Variants in KCNC4 observed in about 807,000 individuals in gnomAD.
KCNC4 encodes potassium voltage-gated channel subfamily C member 4.
A neutral mutation model predicts 42.8 loss-of-function variants in KCNC4; 23 were observed. The ratio of observed to expected loss-of-function variants is 0.54; its 90% CI spans 0.39 to 0.76. KCNC4 has a LOEUF of 0.76. Among genes scored for constraint, KCNC4 ranks in the 30% least tolerant of loss-of-function variants. The pLI is 0.00. For missense variants in KCNC4, 751 were observed against 898.2 expected (o/e 0.84, Z 2.10); for synonymous variants, 422 against 393.5 (o/e 1.07, Z -0.86).
chr1:110,278,407 G>C (rs917794003), intron 1 of KCNC4, among the ~76,000 whole-genome samples: 8 of 152,048 alleles, frequency 5.3e-5, no homozygotes, highest in African/African-American at 1.9e-4. Flanking sequence ...ATGAGAGGGA[G>C]TATGCAGTGC....
intron 1 of KCNC4, among the ~76,000 whole-genome samples, chr1:110,274,344 T>G (rs552223478): frequency 6.6e-6 from 1 of 152,028 alleles, no homozygotes; most frequent in Non-Finnish European, 1.5e-5. Flanking sequence ...TACAAAACAC[T>G]GATGAAAGAA....
At chr1:110,271,935 C>A (rs1373394432) in intron 1 of KCNC4, among the ~76,000 whole-genome samples, 2 of 152,144 alleles carry the variant, frequency 1.3e-5, no homozygotes, top group Non-Finnish European at 2.9e-5. Context: ...CACACTCACC[C>A]ATAATTACCC....
At chr1:110,283,370 A>G (rs1278268738), downstream of KCNC4, among the ~76,000 whole-genome samples, 1 of 152,190 alleles carries the variant, frequency 6.6e-6, no homozygotes, top group East Asian at 1.9e-4. Flanking sequence ...GAGTATTCCT[A>G]CCAAGTATTC....
chr1:110,263,703 T>C (rs957089855), intron 1 of KCNC4, among the ~76,000 whole-genome samples: 1 of 152,108 alleles, frequency 6.6e-6, no homozygotes, highest in African/African-American at 2.4e-5. Context: ...TCCAGTTTTA[T>C]ACATAGAATA....
intron 3 of KCNC4, chr1:110,229,225 G>A (rs1658569374): frequency 6.6e-6 from 1 of 152,288 alleles, no homozygotes; most frequent in Admixed American, 6.5e-5. Flanking sequence ...ATCTCTGCTG[G>A]TGTAAAGGTG....
At chr1:110,280,093 C>T (rs777894171) in intron 1 of KCNC4, among the ~76,000 whole-genome samples, 9 of 152,110 alleles carry the variant, frequency 5.9e-5, no homozygotes, top group Admixed American at 1.3e-4. Context: ...AATGTTTAGG[C>T]TATCATTTAT....
intron 1 of KCNC4, among the ~76,000 whole-genome samples, chr1:110,214,950 T>A (rs923748861): frequency 2.6e-5 from 4 of 152,142 alleles, no homozygotes; most frequent in African/African-American, 9.7e-5. Flanking sequence ...CTTGTCACAC[T>A]GTCCCATCCT....
At chr1:110,212,437 C>T (rs939787439) in intron 1 of KCNC4, among the ~76,000 whole-genome samples, 97 of 152,164 alleles carry the variant, frequency 6.4e-4, no homozygotes, top group Non-Finnish European at 1.8e-4. Flanking sequence ...TTTGCCGCAT[C>T]CCCTCCAGTG....
At chr1:110,261,862 T>C (rs1467899035) in intron 1 of KCNC4, among the ~76,000 whole-genome samples, 1 of 152,276 alleles carries the variant, frequency 6.6e-6, no homozygotes, top group African/African-American at 2.4e-5. Context: ...ACTTAAGGTT[T>C]ATCAAAATTA....
chr1:110,283,718 T>G (rs1392694148), downstream of KCNC4, among the ~76,000 whole-genome samples: 1 of 152,242 alleles, frequency 6.6e-6, no homozygotes, highest in African/African-American at 2.4e-5. Flanking sequence ...ATTATGCATT[T>G]ACAAAGCATC....
At chr1:110,263,705 C>T (rs767856324) in intron 1 of KCNC4, among the ~76,000 whole-genome samples, 1 of 152,050 alleles carries the variant, frequency 6.6e-6, no homozygotes, top group African/African-American at 2.4e-5. Context: ...CAGTTTTATA[C>T]ATAGAATAAG....
At position 110,212,031 on chromosome 1, in the gene KCNC4, G is replaced by C. The variant is rs745483916; in HGVS notation, c.532G>C (p.Gly178Arg). 12 of 1,590,046 alleles carry C rather than the reference G, an allele frequency of 7.5e-6. No homozygotes were observed. Among genetic ancestry groups the C allele is most frequent in the Non-Finnish European group, 1.0e-5 (12 of 1,170,050 alleles). The change falls in exon 1 of 4, where the codon GGC (glycine) becomes CGC (arginine). Residue 178 changes from glycine (G) to arginine (R), a missense_variant. Physicochemically the swap from Gly to Arg is moderately radical, Grantham distance 125. Around this residue, in one of 4 missense-constraint regions of KCNC4, gnomAD observed 181 missense variants for 167.3 expected, o/e 1.08. Coordinates refer to ENST00000438661, the MANE Select transcript of KCNC4 (RefSeq NM_001039574.3). ...CGGCGCGGGGCCCAGCGACGAGGCC[G>C]GCGACGATGAGCGGGAGCTGGCCCT... is the stretch of plus-strand genomic sequence containing the variant. The part of the protein sequence containing the change: ...GSGAGPSDEA[G>R]DDERELALQR...
At chr1:110,218,590 C>CA (rs11406112) in intron 1 of KCNC4, among the ~76,000 whole-genome samples, 99,115 of 151,864 alleles carry the variant, frequency 0.65, 33,293 homozygotes, top group African/African-American at 0.8. Flanking sequence ...TGTAAGGTCC[C>CA]GGGGCAAGGG....
At chr1:110,231,419 A>G (rs1360931727) in intron 3 of KCNC4, among the ~76,000 whole-genome samples, 1 of 152,190 alleles carries the variant, frequency 6.6e-6, no homozygotes, top group African/African-American at 2.4e-5. Flanking sequence ...TGGAGAGTCC[A>G]TGGAAGCCAG....
chr1:110,244,324 C>T (rs1244639970), exon 4 of KCNC4: 1 of 152,214 alleles, frequency 6.6e-6, no homozygotes, highest in East Asian at 1.9e-4. Flanking sequence ...TGATGCACCT[C>T]TAAATTAGTC....
chr1:110,278,199 G>GA (rs71745333), intron 1 of KCNC4, among the ~76,000 whole-genome samples: 121 of 148,038 alleles, frequency 8.2e-4, no homozygotes, highest in African/African-American at 2.4e-3. Flanking sequence ...ACGGAAGGAG[G>GA]AAAAAAAAAA....
At chr1:110,219,255 G>A (rs933034248) in intron 1 of KCNC4, among the ~76,000 whole-genome samples, 11 of 152,188 alleles carry the variant, frequency 7.2e-5, no homozygotes, top group Non-Finnish European at 1.5e-4. Flanking sequence ...AAAGCTGCAC[G>A]CAGAGGACCC....
intron 3 of KCNC4, among the ~76,000 whole-genome samples, chr1:110,232,004 C>T (rs919895334): frequency 3.3e-5 from 5 of 152,102 alleles, no homozygotes; most frequent in Non-Finnish European, 7.4e-5. Context: ...GGGGTTGTCC[C>T]AGCGGGTCTG....
At chr1:110,270,251 C>T (rs1322050671) in intron 1 of KCNC4, among the ~76,000 whole-genome samples, 1 of 152,182 alleles carries the variant, frequency 6.6e-6, no homozygotes, top group Non-Finnish European at 1.5e-5. Flanking sequence ...TTGGATGTTG[C>T]CTGCTGCATT....
Sources: gnomAD v4.1 joint callset for allele counts (sites outside exome capture counted in the v4.1 genomes callset) on GRCh38, gnomAD v4.1.1 for gene constraint, gnomAD v4.1.1 regional missense constraint, MANE v1.5 for transcripts, NCBI Gene and HGNC (gene_info 2026-07-23, HGNC 2026-07-21) for gene names.